HOXA3: variants seen among roughly 807,000 people sequenced by gnomAD.
HOXA3 encodes the protein homeobox protein Hox-A3.
A neutral mutation model predicts 30.3 loss-of-function variants in HOXA3; 8 were observed. The ratio of observed to expected loss-of-function variants is 0.26; its 90% CI spans 0.15 to 0.48. The LOEUF (loss-of-function observed/expected upper bound fraction) is 0.48, where lower values mean the gene tolerates loss of function less well. Among genes scored for constraint, HOXA3 ranks in the 20% least tolerant of loss-of-function variants. The pLI is 0.99. For synonymous variants in HOXA3, 323 were observed against 273.1 expected, an observed-to-expected ratio of 1.18 and a Z score of -1.80; for missense variants, 653 against 614.4, an observed-to-expected ratio of 1.06 and a Z score of -0.66.
In HOXA3 at chr7:27,107,784, C is replaced by A; in HGVS notation, c.*131G>T. The A allele has an allele frequency of 1.7e-6, 1 of 587,758 alleles. No homozygotes were observed. Among genetic ancestry groups the A allele is most frequent in the African/African-American group, 2.2e-5 (1 of 44,620 alleles). The allele number at this position is 587,758 out of a possible 1,614,324, so 36.4% of individuals were successfully genotyped here. On this transcript the variant is annotated 3_prime_UTR_variant, in exon 6 of 6. Transcript: ENST00000612286. ...AGGGGGGAAACCGGGAAACGGAGTG[C>A]GGGGCGGAGAAGAGAGAAAAGGAAG...
In HOXA3 at chr7:27,107,931, T is replaced by G. The variant is rs1291241613; in HGVS notation, c.1316A>C (p.Lys439Thr). The G allele has an allele frequency of 6.3e-7, 1 of 1,579,912 alleles. No homozygotes were observed. Among genetic ancestry groups the G allele is most frequent in the South Asian group, 1.1e-5 (1 of 89,266 alleles). ...PSQGRIQEAPKLTHL is the reference protein window; with the variant it reads ...PSQGRIQEAPTLTHL ...AGCCCACTATCACAGGTGGGTGAGCTTGGGTGCTTCCTGAATTCTTCCCTG... is the reference window on the plus strand; with the variant it reads ...AGCCCACTATCACAGGTGGGTGAGCGTGGGTGCTTCCTGAATTCTTCCCTG... The change falls in exon 6 of 6, where the codon AAG (lysine) becomes ACG (threonine). Residue 439 changes from lysine (K) to threonine (T), a missense_variant. Physicochemically the swap from Lys to Thr is moderately conservative, Grantham distance 78. This residue lies in a region of HOXA3 where 330 missense variants were observed against 274.4 expected (regional missense o/e 1.20). Transcript: ENST00000612286.
intron 2 of HOXA3, chr7:27,129,230 T>C (rs1583394819): frequency 1.4e-6 from 2 of 1,469,782 alleles, no homozygotes; most frequent in South Asian, 2.3e-5. Flanking sequence ...GAAGATTATA[T>C]GGAGGAGGGA....
rs1784495122 is a variant in HOXA3 at position 27,113,559 on chromosome 7, C to T, written c.-120-2799G>A. On this transcript the variant is annotated intron_variant, in intron 4 of 5. Coordinates refer to ENST00000612286, the MANE Select transcript of HOXA3 (RefSeq NM_153631.3). This position sits in a 1 kb window ranked among gnomAD's most constrained non-coding sequence, Gnocchi z 4.8. ...TTGAACCGAGATTTAAGTCTGCAGCCATAAATCACCGAGACGTAAACTCCG... is the reference window on the plus strand; with the variant it reads ...TTGAACCGAGATTTAAGTCTGCAGCTATAAATCACCGAGACGTAAACTCCG... The T allele has an allele frequency of 6.6e-6, 1 of 152,260 alleles. No homozygotes were observed. Among genetic ancestry groups the T allele is most frequent in the African/African-American group, 2.4e-5 (1 of 41,458 alleles). 9.4% of individuals were successfully genotyped at this position (152,260 alleles called of 1,614,324 possible). A position where few individuals can be genotyped will look rare whatever the true frequency, so the allele number is the denominator to read the frequency against.
chr7:27,117,522 C>T (rs1441967517), intron 4 of HOXA3, among the ~76,000 whole-genome samples: 1 of 152,176 alleles, frequency 6.6e-6, no homozygotes, highest in South Asian at 2.1e-4. Context: ...GCGGGCCCTC[C>T]GGTTCAGATC....
rs2128039735 is a variant in HOXA3 at position 27,110,195 on chromosome 7, G to A, written c.446C>T (p.Pro149Leu). The part of the protein sequence containing the change: ...NAAKSPLLNS[P>L]TVAKQIFPWM... Reference sequence around the variant, plus strand: ...GGGGAAGATTTGTTTGGCCACTGTGGGTGAGTTGAGCAGGGGGCTCTTGGC... The same window carrying A: ...GGGGAAGATTTGTTTGGCCACTGTGAGTGAGTTGAGCAGGGGGCTCTTGGC... The change falls in exon 5 of 6, where the codon CCC becomes CTC. Residue 149 changes from proline (P) to leucine (L), a missense_variant. Physicochemically the swap from Pro to Leu is moderately conservative, Grantham distance 98. Transcript: ENST00000612286. 3 of 1,614,144 alleles carry A rather than the reference G, an allele frequency of 1.9e-6. No homozygotes were observed. The highest frequency in any genetic ancestry group is 2.5e-6 in the Non-Finnish European group (3 of 1,180,024).
At chr7:27,118,253 T>G (rs901724004) in intron 4 of HOXA3, among the ~76,000 whole-genome samples, 2 of 152,072 alleles carry the variant, frequency 1.3e-5, no homozygotes, top group Non-Finnish European at 2.9e-5. Flanking sequence ...GAGAGCGCTC[T>G]CCGGAGAAGG....
intron 4 of HOXA3, chr7:27,122,164 C>T (rs903494334): frequency 1.3e-4 from 20 of 152,266 alleles, no homozygotes; most frequent in African/African-American, 4.6e-4. Flanking sequence ...CCGCAGTCGC[C>T]TTAGTCGACA....
At chr7:27,140,453 G>A (rs950293294) in intron 1 of HOXA3, 2 of 152,182 alleles carry the variant, frequency 1.3e-5, no homozygotes, top group Admixed American at 1.3e-4. Context: ...AAGGAAAGAC[G>A]GCATCAGTGT....
chr7:27,149,812 A>C (rs939872307), intron 1 of HOXA3, among the ~76,000 whole-genome samples: 5 of 152,250 alleles, frequency 3.3e-5, no homozygotes, highest in Admixed American at 6.5e-5. Flanking sequence ...TTTCTTAAAC[A>C]AAATTATCAG....
At chr7:27,145,536 T>A in intron 1 of HOXA3, 1 of 1,188,118 alleles carries the variant, frequency 8.4e-7, no homozygotes, top group Non-Finnish European at 1.2e-6. Context: ...AGCTCCGGGC[T>A]CCCCTGAAGC....
intron 2 of HOXA3, among the ~76,000 whole-genome samples, chr7:27,131,064 G>C (rs1785542860): frequency 6.6e-6 from 1 of 152,152 alleles, no homozygotes; most frequent in African/African-American, 2.4e-5. Flanking sequence ...GAGGGAGCAG[G>C]AGCTTTGGAC....
intron 2 of HOXA3, among the ~76,000 whole-genome samples, chr7:27,133,562 A>G (rs1785626920): frequency 6.6e-6 from 1 of 152,226 alleles, no homozygotes; most frequent in Admixed American, 6.5e-5. Flanking sequence ...GTGCAGGGAT[A>G]ACATATATTC....
rs1371447871 is a variant in HOXA3 at position 27,107,137 on chromosome 7, T to C, written c.*778A>G. Reference sequence around the variant, plus strand: ...TTTTTTTTTCAGTTTTGCCGGATGTTACAAACCTAAATCACTGTTTTCAAA... The same window carrying C: ...TTTTTTTTTCAGTTTTGCCGGATGTCACAAACCTAAATCACTGTTTTCAAA... On this transcript the variant is annotated 3_prime_UTR_variant, in exon 6 of 6. Coordinates refer to ENST00000612286, the MANE Select transcript of HOXA3 (RefSeq NM_153631.3). 2 of 152,522 alleles carry C rather than the reference T, an allele frequency of 1.3e-5. No individual in the cohort carries two copies. Among genetic ancestry groups the C allele is most frequent in the South Asian group, 4.1e-4 (2 of 4,836 alleles). The allele number at this position is 152,522 out of a possible 1,614,324, so 9.4% of individuals were successfully genotyped here.
intron 4 of HOXA3, among the ~76,000 whole-genome samples, chr7:27,121,365 T>C (rs1785008002): frequency 1.3e-5 from 2 of 152,200 alleles, no homozygotes; most frequent in Non-Finnish European, 2.9e-5. Flanking sequence ...TATTGTGTTA[T>C]ACACAAGGCC....
chr7:27,112,912 C>A (rs1242590280), intron 4 of HOXA3, among the ~76,000 whole-genome samples: 1 of 152,202 alleles, frequency 6.6e-6, no homozygotes. Context: ...ACAAAAATAT[C>A]TTTGAAAATC....
rs1784134225 is a variant in HOXA3, at chr7:27,108,203, G to A, written c.1044C>T (p.Gly348=). 2 of 1,539,948 alleles carry A rather than the reference G, an allele frequency of 1.3e-6. No homozygotes were observed. Among genetic ancestry groups the A allele is most frequent in the South Asian group, 2.5e-5 (2 of 80,816 alleles). ...TCCCATAGCTGCCGTTGCCCTGCAG[G>A]CCATGAGCGTGCGGGTCATAGTCGG... ...GTPDYDPHAH[G]LQGNGSYGTP... is the part of the protein sequence containing the mutation. Residue 348 remains glycine (G), a synonymous_variant, in exon 6 of 6, where the codon GGC becomes GGT. Transcript: ENST00000612286. The surrounding 1 kb of genome is among the most constrained non-coding windows in gnomAD (Gnocchi z 5.0).
chr7:27,142,685 C>G (rs1387861603), intron 1 of HOXA3: 1 of 273,936 alleles, frequency 3.7e-6, no homozygotes, highest in Non-Finnish European at 6.8e-6. Context: ...AATTATCCGC[C>G]GTGACAAGCC....
In HOXA3 at chr7:27,108,572, G is replaced by A; in HGVS notation, c.675C>T (p.Ala225=). The A allele has an allele frequency of 6.2e-7, 1 of 1,614,152 alleles. No homozygotes were observed. Among genetic ancestry groups the A allele is most frequent in the Non-Finnish European group, 8.5e-7 (1 of 1,180,004 alleles). ...YLCRPRRVEM[A]NLLNLTERQI... ...GGCGCTCAGTGAGGTTCAGCAGATT[G>A]GCCATCTCCACCCGGCGCGGCCGGC... The change falls in exon 6 of 6, where the codon GCC becomes GCT. Residue 225 remains alanine (A), a synonymous_variant. Coordinates refer to ENST00000612286, the MANE Select transcript of HOXA3 (RefSeq NM_153631.3). This position sits in a 1 kb window ranked among gnomAD's most constrained non-coding sequence, Gnocchi z 5.0.
At chr7:27,139,855 T>G (rs1385973554) in intron 2 of HOXA3, among the ~76,000 whole-genome samples, 1 of 152,162 alleles carries the variant, frequency 6.6e-6, no homozygotes, top group African/African-American at 2.4e-5. Flanking sequence ...TGTGCTGCAA[T>G]TAAAGTTAGG....
Sources: allele counts gnomAD v4.1 joint callset (sites outside exome capture counted in the v4.1 genomes callset), GRCh38; gene constraint gnomAD v4.1.1; regional missense constraint gnomAD v4.1.1; non-coding constraint Gnocchi (gnomAD v3.1); transcripts MANE v1.5; gene names NCBI Gene and HGNC (gene_info 2026-07-23, HGNC 2026-07-21).